Variants in UNC5C observed in about 807,000 individuals in gnomAD.
UNC5C encodes the protein netrin receptor UNC5C.
A neutral mutation model predicts 99.8 loss-of-function variants in UNC5C; 47 were observed. The ratio of observed to expected loss-of-function variants is 0.47; its 90% CI spans 0.37 to 0.60. The LOEUF (loss-of-function observed/expected upper bound fraction) is 0.60. Ranked by LOEUF, UNC5C falls within the 20% of genes least tolerant of loss-of-function variation. The pLI is 0.00. For synonymous variants in UNC5C, 487 were observed against 452.2 expected (o/e 1.08, Z -0.98); for missense variants, 1,062 against 1,165.9 (o/e 0.91, Z 1.30).
chr4:95,531,024 ATGT>A (rs1722626309), intron 1 of UNC5C, among the ~76,000 whole-genome samples: 1 of 152,166 alleles, frequency 6.6e-6, no homozygotes, highest in African/African-American at 2.4e-5. Flanking sequence ...GGAAAGTCTA[ATGT>A]TGTTAAATCA....
chr4:95,311,608 G>A (rs76977101), intron 2 of UNC5C, among the ~76,000 whole-genome samples: 160 of 152,158 alleles, frequency 1.1e-3, no homozygotes, highest in East Asian at 6.8e-3. Context: ...ATGTGTTCGT[G>A]GAAATCTAGT....
intron 1 of UNC5C, among the ~76,000 whole-genome samples, chr4:95,466,594 A>G (rs969227445): frequency 2.0e-5 from 3 of 152,038 alleles, no homozygotes; most frequent in Non-Finnish European, 4.4e-5. Context: ...ACATTAATTA[A>G]TTAATTAATG....
intron 1 of UNC5C, among the ~76,000 whole-genome samples, chr4:95,354,479 A>ATATATATATATATATATATATATTT: frequency 5.3e-4 from 59 of 110,302 alleles, no homozygotes; most frequent in South Asian, 1.8e-3. Flanking sequence ...ATATATATAT[A>ATATATATATATATATATATATATTT]TTTTTTTTTT....
At chr4:95,536,409 A>G (rs955467810) in intron 1 of UNC5C, among the ~76,000 whole-genome samples, 1 of 152,166 alleles carries the variant, frequency 6.6e-6, no homozygotes, top group South Asian at 2.1e-4. Context: ...TCATTCATAC[A>G]GAAAAAAAGA....
chr4:95,287,044 T>C (rs1741262845), intron 3 of UNC5C, among the ~76,000 whole-genome samples: 1 of 152,184 alleles, frequency 6.6e-6, no homozygotes, highest in South Asian at 2.1e-4. Flanking sequence ...CAAGTTACCT[T>C]AATGTTTCTT....
intron 7 of UNC5C, among the ~76,000 whole-genome samples, chr4:95,237,054 T>C (rs2149376039): frequency 6.6e-6 from 1 of 152,286 alleles, no homozygotes; most frequent in East Asian, 1.9e-4. Context: ...CTTTAAACCA[T>C]CTCTAGGTTG....
At chr4:95,352,055 G>A (rs372968631) in intron 1 of UNC5C, among the ~76,000 whole-genome samples, 3 of 151,946 alleles carry the variant, frequency 2.0e-5, no homozygotes, top group African/African-American at 7.3e-5. Flanking sequence ...TCTCCCCAAG[G>A]CATCTCATCC....
intron 1 of UNC5C, among the ~76,000 whole-genome samples, chr4:95,507,630 G>A (rs997481387): frequency 6.6e-6 from 1 of 151,852 alleles, no homozygotes; most frequent in African/African-American, 2.4e-5. Context: ...AAAATTCGTA[G>A]CCTCCCCTGA....
rs145952188 is a variant in UNC5C at position 95,411,689 on chromosome 4, G to A, written c.125-76058C>T. ...AGATTAGAAATTCATAAATTGGATC[G>A]CAATCTCTTTTCTTTGTAAATTTAA... On this transcript the variant is annotated intron_variant, in intron 1 of 15. Transcript: ENST00000453304. Among the ~76,000 whole-genome samples the A allele has an allele frequency of 1.1e-3, 164 of 152,256 alleles. 1 individual carries two copies. Among genetic ancestry groups the A allele is most frequent in the African/African-American group, 3.8e-3 (157 of 41,540 alleles).
In UNC5C at chr4:95,347,879, C is replaced by T. The variant is rs376487664; in HGVS notation, c.125-12248G>A. ...GATTTCTTGAATAATACCTTACAAG[C>T]ACAGGCAACCAAAGCAAAAATGGAC... is the stretch of plus-strand genomic sequence containing the variant. On this transcript the variant is annotated intron_variant, in intron 1 of 15. Coordinates refer to ENST00000453304, the MANE Select transcript of UNC5C (RefSeq NM_003728.4). Among the ~76,000 whole-genome samples, 24 of 152,178 alleles carry T rather than the reference C, an allele frequency of 1.6e-4. No individual in the cohort carries two copies. The South Asian group carries it at 4.4e-3, about 28-fold the overall frequency.
rs1236931523 is a variant in UNC5C at position 95,433,080 on chromosome 4, C to T, written c.125-97449G>A. Reference sequence around the variant, plus strand: ...TGAGAACTGATTACACTAATAGACTCCAGTGTGTTCACCTCCTTTCTGCCA... The same window carrying T: ...TGAGAACTGATTACACTAATAGACTTCAGTGTGTTCACCTCCTTTCTGCCA... On this transcript the variant is annotated intron_variant, in intron 1 of 15. Coordinates refer to ENST00000453304, the MANE Select transcript of UNC5C (RefSeq NM_003728.4). Among the ~76,000 whole-genome samples the T allele has an allele frequency of 4.6e-5, 7 of 152,160 alleles. No homozygotes were observed. In the South Asian group the frequency reaches 1.2e-3, roughly 27 times the overall value.
At chr4:95,199,633 A>G (rs576116306) in intron 12 of UNC5C, among the ~76,000 whole-genome samples, 77 of 152,334 alleles carry the variant, frequency 5.1e-4, no homozygotes, top group Non-Finnish European at 8.7e-4. Context: ...TTTATAAAAT[A>G]TTCTATTTTT....
chr4:95,372,071 T>C (rs908923751), intron 1 of UNC5C, among the ~76,000 whole-genome samples: 1 of 152,174 alleles, frequency 6.6e-6, no homozygotes, highest in African/African-American at 2.4e-5. Context: ...TATCACATAA[T>C]TGTGTAAAAC....
intron 2 of UNC5C, among the ~76,000 whole-genome samples, chr4:95,310,872 C>T (rs1742252046): frequency 1.3e-5 from 2 of 152,036 alleles, no homozygotes. Flanking sequence ...GGTTTTCTGC[C>T]TTAAAACTTG....
At chr4:95,506,034 A>G (rs1236538005) in intron 1 of UNC5C, among the ~76,000 whole-genome samples, 4 of 152,060 alleles carry the variant, frequency 2.6e-5, no homozygotes, top group Non-Finnish European at 5.9e-5. Context: ...TCTGGAAAAA[A>G]GAAAAGGATG....
chr4:95,283,296 C>T (rs1429250966), intron 3 of UNC5C, among the ~76,000 whole-genome samples: 1 of 152,152 alleles, frequency 6.6e-6, no homozygotes, highest in East Asian at 1.9e-4. Context: ...TCACTGAATA[C>T]CACAGAATTA....
intron 1 of UNC5C, among the ~76,000 whole-genome samples, chr4:95,545,281 T>C (rs1308534261): frequency 6.6e-6 from 1 of 152,220 alleles, no homozygotes; most frequent in African/African-American, 2.4e-5. Flanking sequence ...TGCAAGTGTT[T>C]GAAAAGTTTA....
chr4:95,536,049 TATAC>T (rs910166462), intron 1 of UNC5C, among the ~76,000 whole-genome samples: 1 of 145,466 alleles, frequency 6.9e-6, no homozygotes, highest in Non-Finnish European at 1.5e-5. Context: ...TGGCAGTCCA[TATAC>T]ATACATACAT....
intron 4 of UNC5C, among the ~76,000 whole-genome samples, chr4:95,255,503 C>T (rs1273834336): frequency 6.6e-6 from 1 of 152,152 alleles, no homozygotes; most frequent in African/African-American, 2.4e-5. Context: ...ATTTCTATGT[C>T]ACTGAGAAAA....
Sources: gnomAD v4.1 joint callset for allele counts (sites outside exome capture counted in the v4.1 genomes callset) on GRCh38, gnomAD v4.1.1 for gene constraint, MANE v1.5 for transcripts, NCBI Gene and HGNC (gene_info 2026-07-23, HGNC 2026-07-21) for gene names.